The following MYO9B variants were observed in gnomAD, a reference collection of about 807,000 sequenced individuals.
MYO9B encodes the protein myosin IXB, also known as unconventional myosin-IXb.
MYO9B carries 71 observed loss-of-function variants against 229.5 expected under a neutral mutation model. That is an observed-to-expected ratio of 0.31 (90% confidence interval 0.26 to 0.38). The LOEUF is 0.38. Ranked by LOEUF, MYO9B falls within the 10% of genes least tolerant of loss-of-function variation. MYO9B has a pLI of 1.00. For missense variants in MYO9B, 2,255 were observed against 2,920.5 expected (o/e 0.77, Z 5.25); for synonymous variants, 1,185 against 1,235.8 (o/e 0.96, Z 0.86).
At chr19:17,188,428 C>CAAAA (rs1182917762) in intron 19 of MYO9B, among the ~76,000 whole-genome samples, 18 of 92,522 alleles carry the variant, frequency 1.9e-4, no homozygotes, top group African/African-American at 6.2e-4. Flanking sequence ...GACTCCATCT[C>CAAAA]AAAAAAAAAA....
chr19:17,153,485 G>C (rs1181653736), intron 4 of MYO9B, among the ~76,000 whole-genome samples: 1 of 149,918 alleles, frequency 6.7e-6, no homozygotes, highest in African/African-American at 2.5e-5. Context: ...CCAGGAGTTC[G>C]AGACCAGCCT....
intron 1 of MYO9B, among the ~76,000 whole-genome samples, chr19:17,090,089 A>G (rs2057622186): frequency 9.9e-6 from 1 of 100,992 alleles, no homozygotes; most frequent in African/African-American, 3.9e-5. Flanking sequence ...AGTTTCATCC[A>G]CGTTATAGCA....
intron 22 of MYO9B, 129 bp from the exon 23 acceptor site, chr19:17,197,663 C>T: frequency 9.6e-7 from 1 of 1,042,016 alleles, no homozygotes; most frequent in East Asian, 2.5e-5. Context: ...CCAAAACTGT[C>T]TCTAGACATT....
chr19:17,077,361 C>G (rs1305791636), intron 1 of MYO9B, among the ~76,000 whole-genome samples: 3 of 152,222 alleles, frequency 2.0e-5, no homozygotes, highest in Non-Finnish European at 4.4e-5. Flanking sequence ...TAAGCACCCC[C>G]TTCACTTCCA....
chr19:17,172,662 AC>A lies in MYO9B; in HGVS notation c.1936-93del, dbSNP rs1038439546. On this transcript the variant is annotated intron_variant, in intron 12 of 39. Coordinates refer to ENST00000682292, the MANE Select transcript of MYO9B (RefSeq NM_004145.4). The surrounding 1 kb of genome is among the most constrained non-coding windows in gnomAD (Gnocchi z 8.2). ...GCCATTTGCACTTAGGATGGGCCCC[AC>A]CCCACCGTCAGCCCTTCCTGCGCCA... 39 of 1,506,398 alleles carry A rather than the reference AC, an allele frequency of 2.6e-5. No homozygotes were observed. Among genetic ancestry groups the A allele is most frequent in the Non-Finnish European group, 3.5e-5 (38 of 1,092,374 alleles). 93.3% of individuals were successfully genotyped at this position (1,506,398 alleles called of 1,614,324 possible). A position where few individuals can be genotyped will look rare whatever the true frequency, so the allele number is the denominator to read the frequency against.
At chr19:17,201,149 G>A (rs186412412) in intron 26 of MYO9B, among the ~76,000 whole-genome samples, 13 of 152,288 alleles carry the variant, frequency 8.5e-5, no homozygotes, top group Non-Finnish European at 1.6e-4. Context: ...CAGGAAGATC[G>A]CTTGAGCCCA....
chr19:17,207,120 C>G lies in MYO9B; in HGVS notation c.5500C>G (p.Leu1834Val). 6.2e-7 allele frequency: 1 copy of G among 1,610,636 alleles called. No individual in the cohort carries two copies. Among genetic ancestry groups the G allele is most frequent in the Non-Finnish European group, 8.5e-7 (1 of 1,179,268 alleles). The change falls in exon 35 of 40, where the codon CTG becomes GTG. Residue 1834 changes from leucine (L) to valine (V), a missense_variant. Physicochemically the swap from Leu to Val is conservative, Grantham distance 32. Coordinates refer to ENST00000682292, the MANE Select transcript of MYO9B (RefSeq NM_004145.4). ...CTGCCAGTGGCTGTGCAGGGTGGCCCTGCTCGAGGATGTCAACCGCATGTC... is the reference window on the plus strand; with the variant it reads ...CTGCCAGTGGCTGTGCAGGGTGGCCGTGCTCGAGGATGTCAACCGCATGTC... ...RLIFHLVKVALLEDVNRMSPG... is the reference protein window; with the variant it reads ...RLIFHLVKVAVLEDVNRMSPG...
chr19:17,146,161 A>AGATGGATG lies in MYO9B; in HGVS notation c.935+714_935+721dup, dbSNP rs56016892. Among the ~76,000 whole-genome samples, 267 of 100,838 alleles carry AGATGGATG rather than the reference A, an allele frequency of 2.6e-3. 1 individual carries two copies. Among genetic ancestry groups the AGATGGATG allele is most frequent in the South Asian group, 7.8e-3 (24 of 3,076 alleles). 66.2% of individuals were successfully genotyped at this position (100,838 alleles called of 152,430 possible). On this transcript the variant is annotated intron_variant, in intron 3 of 39. Transcript: ENST00000682292. ...TAGATTCATGAATGGGTGGGTGGATAGATGGATGGATGGATGGATGGATGG... is the reference window on the plus strand; with the variant it reads ...TAGATTCATGAATGGGTGGGTGGATAGATGGATGGATGGATGGATGGATGGATGGATGG...
chr19:17,202,079 C>T (rs2073112132), intron 27 of MYO9B, 51 bp from the exon 28 acceptor site: 33 of 1,611,648 alleles, frequency 2.0e-5, no homozygotes, highest in Non-Finnish European at 2.8e-5. Flanking sequence ...ACCCGTCATT[C>T]CCATCCGCCC....
In MYO9B at chr19:17,212,248, C is replaced by T. The variant is rs1335138272; in HGVS notation, c.6412C>T (p.Arg2138Trp). The T allele has an allele frequency of 6.4e-6, 10 of 1,574,554 alleles. No individual in the cohort carries two copies. The highest frequency in any genetic ancestry group is 2.7e-5 in the African/African-American group (2 of 73,722). ...EEDGQPPGAK[R>W]RYSDPPTYCL... is the part of the protein sequence containing the mutation. ...GGATGGCCAGCCACCTGGGGCCAAG[C>T]GGAGGTACTCGGATCCCCCAACGTA... The change falls in exon 40 of 40, where the codon CGG becomes TGG. Residue 2138 changes from arginine to tryptophan, a missense_variant. This residue lies in a region of MYO9B where 331 missense variants were observed against 332.5 expected (regional missense o/e 1.00). Coordinates refer to ENST00000682292, the MANE Select transcript of MYO9B (RefSeq NM_004145.4). The surrounding 1 kb of genome is among the most constrained non-coding windows in gnomAD (Gnocchi z 5.4).
At chr19:17,091,038 C>T (rs1411833596) in intron 1 of MYO9B, among the ~76,000 whole-genome samples, 1 of 152,196 alleles carries the variant, frequency 6.6e-6, no homozygotes, top group African/African-American at 2.4e-5. Flanking sequence ...AGAACATTCT[C>T]TGAAGCTCTG....
chr19:17,123,791 G>C (rs1250095369), intron 2 of MYO9B, among the ~76,000 whole-genome samples: 3 of 152,154 alleles, frequency 2.0e-5, no homozygotes, highest in Admixed American at 2.0e-4. Context: ...AGGATGTTAA[G>C]ACGCCCAAAC....
At chr19:17,187,062 C>T (rs2072926788) in intron 18 of MYO9B, among the ~76,000 whole-genome samples, 1 of 152,152 alleles carries the variant, frequency 6.6e-6, no homozygotes, top group African/African-American at 2.4e-5. Context: ...TGCCTTATCC[C>T]TTACTGCCCA....
At chr19:17,142,705 T>C (rs2072357085) in intron 2 of MYO9B, among the ~76,000 whole-genome samples, 2 of 152,184 alleles carry the variant, frequency 1.3e-5, no homozygotes, top group Non-Finnish European at 2.9e-5. Flanking sequence ...ACTTCATTGA[T>C]GGACGCTGAA....
chr19:17,131,411 G>A (rs933732932), intron 2 of MYO9B, among the ~76,000 whole-genome samples: 2 of 152,176 alleles, frequency 1.3e-5, no homozygotes, highest in Non-Finnish European at 2.9e-5. Flanking sequence ...TGGGACTACA[G>A]GCGCACGCCA....
chr19:17,097,540 C>CT (rs2057704762), intron 1 of MYO9B, among the ~76,000 whole-genome samples: 1 of 152,136 alleles, frequency 6.6e-6, no homozygotes, highest in Non-Finnish European at 1.5e-5. Flanking sequence ...CAGTATATAT[C>CT]TATTTCCCTG....
intron 6 of MYO9B, among the ~76,000 whole-genome samples, chr19:17,154,834 C>T (rs1396622700): frequency 2.0e-5 from 3 of 152,062 alleles, no homozygotes; most frequent in African/African-American, 7.2e-5. Flanking sequence ...TGGTAGTATG[C>T]ACCTGTGGTC....
chr19:17,099,345 A>AT (rs1181168703), intron 1 of MYO9B: 1 of 152,034 alleles, frequency 6.6e-6, no homozygotes, highest in Admixed American at 6.6e-5. Context: ...ATAACAGAGC[A>AT]GAATAGTTAT....
chr19:17,085,988 TCTAC>T (rs1383979446), intron 1 of MYO9B, among the ~76,000 whole-genome samples: 1 of 152,076 alleles, frequency 6.6e-6, no homozygotes, highest in Admixed American at 6.5e-5. Flanking sequence ...GGCTCTGCCT[TCTAC>T]CTGTGACCAG....
Sources: allele counts gnomAD v4.1 joint callset (sites outside exome capture counted in the v4.1 genomes callset), GRCh38; gene constraint gnomAD v4.1.1; regional missense constraint gnomAD v4.1.1; non-coding constraint Gnocchi (gnomAD v3.1); transcripts MANE v1.5; gene names NCBI Gene and HGNC (gene_info 2026-07-23, HGNC 2026-07-21).